The following DLC1 variants were observed in gnomAD, a reference collection of about 807,000 sequenced individuals.
The protein encoded by DLC1 is DLC1 Rho GTPase activating protein.
A neutral mutation model predicts 140.3 loss-of-function variants in DLC1; 54 were observed. The observed-to-expected ratio is 0.38, with a 90% CI of 0.31 to 0.48. The LOEUF is 0.48. Ranked by LOEUF, DLC1 falls within the 20% of genes least tolerant of loss-of-function variation. DLC1 has a pLI of 0.96. For synonymous variants in DLC1, 986 were observed against 728.1 expected, an observed-to-expected ratio of 1.35 and a Z score of -5.70; for missense variants, 2,536 against 1,907.0, an observed-to-expected ratio of 1.33 and a Z score of -6.14.
At chr8:13,342,580 G>A (rs143931669) in intron 4 of DLC1, 10 of 152,360 alleles carry the variant, frequency 6.6e-5, no homozygotes, top group African/African-American at 2.2e-4. Context: ...TGAAGAGGAA[G>A]GAATTCTGCC....
Position 13,188,766 on chromosome 8 carries a change from A to G in DLC1, c.1349-73109T>C, listed in dbSNP as rs1220555674. Among the ~76,000 whole-genome samples, 4 of 134,328 alleles carry G rather than the reference A, an allele frequency of 3.0e-5. No individual in the cohort carries two copies. In the Admixed American group the frequency reaches 3.1e-4, roughly 10 times the overall value. 88.1% of individuals were successfully genotyped at this position (134,328 alleles called of 152,430 possible). The stretch of plus-strand genomic sequence containing the variant: ...GCTGGGATTACAGGCATGTGCCACC[A>G]TGCCCAGCTAATGTGTGTGTGTGTG... On this transcript the variant is annotated intron_variant, in intron 5 of 17. Transcript: ENST00000276297.
chr8:13,344,370 G>C (rs936713689), intron 4 of DLC1, among the ~76,000 whole-genome samples: 3 of 152,304 alleles, frequency 2.0e-5, no homozygotes, highest in South Asian at 2.1e-4. Context: ...GCACATGCCT[G>C]TAATCCCAGC....
chr8:13,127,576 A>T (rs1211904590), intron 5 of DLC1, among the ~76,000 whole-genome samples: 2 of 152,218 alleles, frequency 1.3e-5, no homozygotes, highest in Non-Finnish European at 2.9e-5. Flanking sequence ...CAGTTTCAGC[A>T]TCTTCTATTT....
At chr8:13,586,074 G>T (rs764257870) in intron 1 of DLC1, among the ~76,000 whole-genome samples, 76 of 152,244 alleles carry the variant, frequency 5.0e-4, no homozygotes, top group Admixed American at 1.7e-3. Context: ...TTGGAAGTTT[G>T]AAAATATACT....
At position 13,393,622 on chromosome 8, in the gene DLC1, A is replaced by G. The variant is rs141187962; in HGVS notation, c.1245T>C (p.Ser415=). ...ATGGGAGGTCCGTGGACTCAGTGTC[A>G]GAAGACAAATTTACTCGTGTCTGAT... ...SVNQTRVNLS[S]DTESTDLPSS... is the part of the protein sequence containing the mutation. The change falls in exon 4 of 18, where the codon TCT becomes TCC. Residue 415 remains serine, a synonymous_variant. Coordinates refer to ENST00000276297, the MANE Select transcript of DLC1 (RefSeq NM_182643.3). The G allele has an allele frequency of 6.2e-7, 1 of 1,614,214 alleles. No homozygotes were observed. Among genetic ancestry groups the G allele is most frequent in the South Asian group, 1.1e-5 (1 of 91,084 alleles).
chr8:13,105,036 T>A (rs1479701876), intron 7 of DLC1, among the ~76,000 whole-genome samples: 1 of 152,212 alleles, frequency 6.6e-6, no homozygotes, highest in Non-Finnish European at 1.5e-5. Flanking sequence ...AAACCTGTAA[T>A]CAAATAGTCA....
intron 4 of DLC1, among the ~76,000 whole-genome samples, chr8:13,371,454 C>G (rs1729171): frequency 0.63 from 95,037 of 151,452 alleles, 30,177 homozygotes; most frequent in East Asian, 0.84. Context: ...GCTTTTGAAT[C>G]TGATTCTAAC....
intron 5 of DLC1, among the ~76,000 whole-genome samples, chr8:13,304,152 T>C (rs1340779650): frequency 6.6e-6 from 1 of 152,178 alleles, no homozygotes; most frequent in Non-Finnish European, 1.5e-5. Context: ...ATATGGTAAA[T>C]ATATTGATGC....
At chr8:13,566,972 G>T (rs1585281989) in intron 1 of DLC1, 2 of 1,527,240 alleles carry the variant, frequency 1.3e-6, no homozygotes, top group East Asian at 2.5e-5. Flanking sequence ...GAGATGAGGA[G>T]CCGAGCCTGA....
chr8:13,495,413 C>A (rs1801455528), intron 2 of DLC1, among the ~76,000 whole-genome samples: 2 of 152,174 alleles, frequency 1.3e-5, no homozygotes, highest in Non-Finnish European at 2.9e-5. Flanking sequence ...AGCCGCCTCA[C>A]CCCAGAGACC....
chr8:13,595,991 C>T (rs1430476478), intron 1 of DLC1, among the ~76,000 whole-genome samples: 1 of 151,868 alleles, frequency 6.6e-6, no homozygotes, highest in Non-Finnish European at 1.5e-5. Flanking sequence ...CATGCAGTCC[C>T]CACAAACATA....
chr8:13,442,246 A>C (rs1478334024), intron 2 of DLC1, among the ~76,000 whole-genome samples: 1 of 152,196 alleles, frequency 6.6e-6, no homozygotes, highest in Non-Finnish European at 1.5e-5. Context: ...AAAACCCTAA[A>C]AACCCTAGAA....
intron 15 of DLC1, 124 bp downstream of exon 15, chr8:13,090,128 C>T (rs1298576380): frequency 1.2e-6 from 1 of 868,178 alleles, no homozygotes; most frequent in Non-Finnish European, 1.8e-6. Context: ...CGGTGCCCAG[C>T]TCTACAAGGG....
At chr8:13,471,907 C>T (rs958137474) in intron 2 of DLC1, among the ~76,000 whole-genome samples, 7 of 152,142 alleles carry the variant, frequency 4.6e-5, no homozygotes, top group South Asian at 4.1e-4. Flanking sequence ...ATCTCAAGGC[C>T]GAGGAGCAGC....
At chr8:13,459,634 C>T (rs964046127) in intron 2 of DLC1, among the ~76,000 whole-genome samples, 6 of 152,166 alleles carry the variant, frequency 3.9e-5, no homozygotes, top group African/African-American at 1.2e-4. Flanking sequence ...AGTTCTGCCA[C>T]TCCAGCATGG....
chr8:13,141,444 A>G (rs1822986962), intron 5 of DLC1, among the ~76,000 whole-genome samples: 1 of 152,162 alleles, frequency 6.6e-6, no homozygotes, highest in African/African-American at 2.4e-5. Flanking sequence ...TTCAAGAGCT[A>G]CGTACAATGC....
At chr8:13,580,198 C>T (rs773120527) in intron 1 of DLC1, among the ~76,000 whole-genome samples, 2 of 151,840 alleles carry the variant, frequency 1.3e-5, no homozygotes, top group Middle Eastern at 3.2e-3. Context: ...TCTCGGCTCA[C>T]TGCAGCCTCT....
At chr8:13,153,047 T>C (rs1279741872) in intron 5 of DLC1, among the ~76,000 whole-genome samples, 1 of 152,198 alleles carries the variant, frequency 6.6e-6, no homozygotes. Flanking sequence ...ATGCTCTTCC[T>C]TAAAATTTTT....
At chr8:13,505,829 C>A (rs1252680717) in intron 1 of DLC1, among the ~76,000 whole-genome samples, 1 of 152,108 alleles carries the variant, frequency 6.6e-6, no homozygotes, top group East Asian at 1.9e-4. Context: ...ATTGTCTAAG[C>A]CATAGTTTTC....
Sources: gnomAD v4.1 joint callset for allele counts (sites outside exome capture counted in the v4.1 genomes callset) on GRCh38, gnomAD v4.1.1 for gene constraint, MANE v1.5 for transcripts, NCBI Gene and HGNC (gene_info 2026-07-23, HGNC 2026-07-21) for gene names.